Variants in RPTN observed in about 807,000 individuals in gnomAD.
RPTN encodes repetin.
Under a neutral mutation model 3.6 loss-of-function variants are expected in RPTN, and 4 were observed. The ratio of observed to expected loss-of-function variants is 1.12; its 90% confidence interval spans 0.55 to 2.55. RPTN has a LOEUF of 2.55. RPTN is among the 30% of genes most tolerant of loss of function. The pLI is 0.02. For synonymous variants in RPTN, 293 were observed against 319.3 expected (o/e 0.92, Z 0.88); for missense variants, 860 against 916.7 (o/e 0.94, Z 0.80).
Position 152,156,074 on chromosome 1 carries a change from T to C in RPTN, c.1025A>G (p.His342Arg). The C allele has an allele frequency of 2.5e-6, 4 of 1,613,928 alleles. No individual in the cohort carries two copies. The highest frequency in any genetic ancestry group is 3.4e-6 in the Non-Finnish European group (4 of 1,179,996). Residue 342 changes from histidine (H) to arginine (R), a missense_variant, in exon 3 of 3, where the codon CAC (histidine) becomes CGC (arginine). Coordinates refer to ENST00000316073, the MANE Select transcript of RPTN (RefSeq NM_001122965.1). ...GCCTTTTCTGTCCATTTGACCATAG[T>C]GGGAACTCTGACCTTGTCTGTCTGG... ...SQPDRQGQSS[H>R]YGQMDRKGQC...
Position 152,154,131 on chromosome 1 carries a change from G to A in RPTN, c.*613C>T, listed in dbSNP as rs1443096492. 1 of 154,398 alleles carries A rather than the reference G, an allele frequency of 6.5e-6. No homozygotes were observed. The highest frequency in any genetic ancestry group is 2.4e-5 in the African/African-American group (1 of 41,438). The allele number at this position is 154,398 out of a possible 1,614,324, so 9.6% of individuals were successfully genotyped here. ...CAACCAGGTCTCATCTACACAGAGG[G>A]CAAAGCAGGAAATGATTTAAATACC... On this transcript the variant is annotated 3_prime_UTR_variant, in exon 3 of 3. Coordinates refer to ENST00000316073, the MANE Select transcript of RPTN (RefSeq NM_001122965.1).
intron 2 of RPTN, among the ~76,000 whole-genome samples, chr1:152,157,163 A>T (rs1659222236): frequency 6.6e-6 from 1 of 152,238 alleles, no homozygotes; most frequent in African/African-American, 2.4e-5. Flanking sequence ...GAGCATGACC[A>T]TAGGGAGTAG....
rs752815253 is a variant in RPTN, at chr1:152,155,345, T to C, written c.1754A>G (p.Gln585Arg). The C allele has an allele frequency of 1.9e-6, 3 of 1,614,148 alleles. No homozygotes were observed. Among genetic ancestry groups the C allele is most frequent in the Non-Finnish European group, 2.5e-6 (3 of 1,180,060 alleles). ...DRQGQSSHYI[Q>R]SQTGEIQGQN... is the part of the protein sequence containing the mutation. ...CCCTTGTATTTCCCCAGTCTGTGATTGAATATAGTGGGAACTCTGGCCTTG... is the reference window on the plus strand; with the variant it reads ...CCCTTGTATTTCCCCAGTCTGTGATCGAATATAGTGGGAACTCTGGCCTTG... The change falls in exon 3 of 3, where the codon CAA becomes CGA. Residue 585 changes from glutamine to arginine, a missense_variant. By Grantham distance (43) the Gln-to-Arg change is conservative. Transcript: ENST00000316073.
intron 2 of RPTN, 103 bp downstream of exon 2, chr1:152,157,649 A>G (rs1659231786): frequency 8.0e-7 from 1 of 1,247,428 alleles, no homozygotes; most frequent in East Asian, 2.4e-5. Context: ...TCCTTTTCTT[A>G]CAGGGCAGAG....
In RPTN at chr1:152,153,770, G is replaced by A. The variant is rs1310740879; in HGVS notation, c.*974C>T. 2.0e-5 allele frequency: 3 copies of A among 152,278 alleles called. No homozygotes were observed. Among genetic ancestry groups the A allele is most frequent in the African/African-American group, 7.2e-5 (3 of 41,422 alleles). 9.4% of individuals were successfully genotyped at this position (152,278 alleles called of 1,614,324 possible). A position where few individuals can be genotyped will look rare whatever the true frequency, so the allele number is the denominator to read the frequency against. ...ATTTTATATAATCAGAAACTAGAAA[G>A]GTATTGAATTGGAATGGGTCCATTC... On this transcript the variant is annotated 3_prime_UTR_variant, in exon 3 of 3. Transcript: ENST00000316073.
chr1:152,157,627 G>A (rs191740224), intron 2 of RPTN, 125 bp downstream of exon 2: 227 of 769,664 alleles, frequency 2.9e-4, no homozygotes, highest in African/African-American at 2.4e-3. Flanking sequence ...CTACTAAGGA[G>A]CTGCCTGAAA....
intron 2 of RPTN, 118 bp downstream of exon 2, chr1:152,157,634 G>A: frequency 1.1e-6 from 1 of 949,674 alleles, no homozygotes; most frequent in African/African-American, 1.6e-5. Context: ...GGAGCTGCCT[G>A]AAATTCCTTT....
In RPTN at chr1:152,156,084, G is replaced by A; in HGVS notation, c.1015C>T (p.Gln339Ter). The change falls in exon 3 of 3, where the codon CAG becomes TAG. Residue 339 changes from glutamine to a stop codon, truncating the protein, a stop_gained. Transcript: ENST00000316073. LOFTEE classifies it low-confidence loss of function (END_TRUNC). ...TCCATTTGACCATAGTGGGAACTCT[G>A]ACCTTGTCTGTCTGGCTGACTGTAG... ...SHYSQPDRQG[Q>*]SSHYGQMDRK... 6.2e-7 allele frequency: 1 copy of A among 1,613,548 alleles called. No homozygotes were observed.
rs373084803 is a variant in RPTN, at chr1:152,155,825, G to A, written c.1274C>T (p.Ser425Phe). 1.1e-4 allele frequency: 175 copies of A among 1,608,028 alleles called. No homozygotes were observed. Among genetic ancestry groups the A allele is most frequent in the Non-Finnish European group, 1.4e-4 (167 of 1,177,772 alleles). The change falls in exon 3 of 3, where the codon TCT becomes TTT. Residue 425 changes from serine to phenylalanine, a missense_variant. Transcript: ENST00000316073. ...YSQMDRQGQGSHYGQTDRQGQ... is the reference protein window; with the variant it reads ...YSQMDRQGQGFHYGQTDRQGQ... ...TTGTCTGTCTGTCTGACCGTAGTGA[G>A]AACCCTGGCCTTGTCGGTCCATCTG...
chr1:152,156,379 A>C lies in RPTN; in HGVS notation c.720T>G (p.Tyr240Ter). 1 of 1,614,274 alleles carries C rather than the reference A, an allele frequency of 6.2e-7. No homozygotes were observed. Among genetic ancestry groups the C allele is most frequent in the Non-Finnish European group, 8.5e-7 (1 of 1,180,050 alleles). ...RCEKPIQDSH[Y>*]GQSERHTQQS... ...GTTGTGTATGTCTTTCAGACTGACCATAATGAGAATCCTGAATTGGTTTTT... is the reference window on the plus strand; with the variant it reads ...GTTGTGTATGTCTTTCAGACTGACCCTAATGAGAATCCTGAATTGGTTTTT... Residue 240 changes from tyrosine (Y) to a stop codon, truncating the protein, a stop_gained, in exon 3 of 3, where the codon TAT (tyrosine) becomes TAG (stop). Transcript: ENST00000316073. LOFTEE classifies it low-confidence loss of function (END_TRUNC).
rs747300821 is a variant in RPTN, at chr1:152,154,828, T to C, written c.2271A>G (p.Arg757=). The C allele has an allele frequency of 8.4e-5, 136 of 1,613,744 alleles. 5 individuals carry two copies. In the South Asian group the frequency reaches 1.4e-3, roughly 17 times the overall value. Reference sequence around the variant, plus strand: ...GCTTGTCTTCATGGGTTTGCCTGTCTCGTCTCTGATGGCTCTGCTCATGTT... The same window carrying C: ...GCTTGTCTTCATGGGTTTGCCTGTCCCGTCTCTGATGGCTCTGCTCATGTT... ...THEHEQSHQR[R]DRQTHEDKQN... The change falls in exon 3 of 3, where the codon CGA becomes CGG. Residue 757 remains arginine (R), a synonymous_variant. Transcript: ENST00000316073.
chr1:152,154,748 C>G lies in RPTN; in HGVS notation c.2351G>C (p.Arg784Thr). 1 of 1,613,948 alleles carries G rather than the reference C, an allele frequency of 6.2e-7. No homozygotes were observed. Among genetic ancestry groups the G allele is most frequent in the Non-Finnish European group, 8.5e-7 (1 of 1,179,948 alleles). Residue 784 changes from arginine (R) to threonine (T), a missense_variant, in exon 3 of 3, where the codon AGA becomes ACA. Transcript: ENST00000316073. The stretch of plus-strand genomic sequence containing the variant: ...CTCTTCATGAGTTTGCCTGTCTCAT[C>G]TCTGATGGTTCTGCTCGTCTTCATG... Reference protein sequence around the residue: ...QTHEDEQNHQR With the variant: ...QTHEDEQNHQT
rs143763320 is a variant in RPTN, at chr1:152,156,777, C to T, written c.322G>A (p.Ala108Thr). Reference protein sequence around the residue: ...TSQQERGQEGAQDCKFPGNTG... With the variant: ...TSQQERGQEGTQDCKFPGNTG... ...TTTCCTGGGAACTTACAGTCTTGTG[C>T]TCCTTCCTGCCCCCTTTCTTGCTGT... The change falls in exon 3 of 3, where the codon GCA becomes ACA. Residue 108 changes from alanine (A) to threonine (T), a missense_variant. Physicochemically the swap from Ala to Thr is moderately conservative, Grantham distance 58 (BLOSUM62 0). Coordinates refer to ENST00000316073, the MANE Select transcript of RPTN (RefSeq NM_001122965.1). The T allele has an allele frequency of 4.9e-3, 7,960 of 1,614,186 alleles. 24 individuals carry two copies. The highest frequency in any genetic ancestry group is 6.3e-3 in the Non-Finnish European group (7,466 of 1,180,030).
chr1:152,155,908 T>TTGTC lies in RPTN; in HGVS notation c.1187_1190dup (p.Asp398ThrfsTer93). 6.2e-7 allele frequency: 1 copy of TTGTC among 1,614,024 alleles called. No homozygotes were observed. The highest frequency in any genetic ancestry group is 8.5e-7 in the Non-Finnish European group (1 of 1,179,972). ...TCTGACCATAGTGAGAACTTTGGTC[T>TTGTC]TGTCTGTCTGTCTGACCATAGTGAG... On this transcript the variant is annotated frameshift_variant, in exon 3 of 3. Coordinates refer to ENST00000316073, the MANE Select transcript of RPTN (RefSeq NM_001122965.1). LOFTEE classifies it low-confidence loss of function (END_TRUNC).
rs375240857 is a variant in RPTN at position 152,155,519 on chromosome 1, T to C, written c.1580A>G (p.Asp527Gly). The C allele has an allele frequency of 6.2e-7, 1 of 1,609,166 alleles. No individual in the cohort carries two copies. The change falls in exon 3 of 3, where the codon GAC becomes GGC. Residue 527 changes from aspartate (D) to glycine (G), a missense_variant. Transcript: ENST00000316073. ...GTAGTGGGAACTCTGGCCTTGTCTG[T>C]CTGGCTGACCATAGTGGAAACTCTG... ...QGQSFHYGQP[D>G]RQGQSSHYSQ...
In RPTN at chr1:152,158,847, A is replaced by G. The variant is rs1659253816; in HGVS notation, c.-21+337T>C. Among the ~76,000 whole-genome samples, 7 of 152,210 alleles carry G rather than the reference A, an allele frequency of 4.6e-5. No individual in the cohort carries two copies. In the South Asian group the frequency reaches 1.4e-3, roughly 31 times the overall value. The stretch of plus-strand genomic sequence containing the variant: ...ATGAGACTTGAGCATTGCTGGGCCC[A>G]TGGTCCAGAGCCTTGGCCCTAAACT... On this transcript the variant is annotated intron_variant, in intron 1 of 2. Coordinates refer to ENST00000316073, the MANE Select transcript of RPTN (RefSeq NM_001122965.1).
Position 152,156,972 on chromosome 1 carries a change from TA to T in RPTN, c.139-13del. On this transcript the variant is annotated splice_polypyrimidine_tract_variant and intron_variant, in intron 2 of 2. Transcript: ENST00000316073. ...GGGTCATTTGGTCTCTGTTAGGAGA[TA>T]AAACAAAGAGCAAAATCAGATGCTG... The T allele has an allele frequency of 6.2e-7, 1 of 1,601,276 alleles. No individual in the cohort carries two copies. Among genetic ancestry groups the T allele is most frequent in the Non-Finnish European group, 8.5e-7 (1 of 1,173,612 alleles).
rs769307484 is a variant in RPTN at position 152,155,041 on chromosome 1, C to T, written c.2058G>A (p.Gln686=). The change falls in exon 3 of 3, where the codon CAG becomes CAA. Residue 686 remains glutamine (Q), a synonymous_variant. Transcript: ENST00000316073. ...GRDWQSCSSE[Q]GHRQAQTRQS... ...GCCTGGTCTGGGCCTGTCTGTGGCC[C>T]TGCTCACTACTGCATGATTGCCAGT... 117 of 1,614,086 alleles carry T rather than the reference C, an allele frequency of 7.2e-5. 1 individual carries two copies. The highest frequency in any genetic ancestry group is 2.2e-5 in the East Asian group (1 of 44,882).
Position 152,156,727 on chromosome 1 carries a change from C to G in RPTN, c.372G>C (p.Arg124Ser). 6.2e-7 allele frequency: 1 copy of G among 1,614,156 alleles called. No homozygotes were observed. The highest frequency in any genetic ancestry group is 2.2e-5 in the East Asian group (1 of 44,878). Residue 124 changes from arginine (R) to serine (S), a missense_variant, in exon 3 of 3, where the codon AGG becomes AGC. Arg to Ser is a moderately radical substitution (Grantham distance 110, BLOSUM62 -1). Coordinates refer to ENST00000316073, the MANE Select transcript of RPTN (RefSeq NM_001122965.1). ...PGNTGRQHRQ[R>S]HEEERQNSHH... is the part of the protein sequence containing the mutation. ...GGGAGTTCTGCCTTTCTTCCTCGTG[C>G]CTCTGTCTGTGTTGTCTGCCTGTGT...
Sources: allele counts gnomAD v4.1 joint callset (sites outside exome capture counted in the v4.1 genomes callset), GRCh38; gene constraint gnomAD v4.1.1; transcripts MANE v1.5; gene names NCBI Gene and HGNC (gene_info 2026-07-23, HGNC 2026-07-21).